Variants in CPM observed in about 807,000 individuals in gnomAD.
CPM encodes renal carboxypeptidase.
CPM carries 35 observed loss-of-function variants against 46.4 expected under a neutral mutation model. The observed-to-expected ratio is 0.75, with a 90% confidence interval of 0.58 to 1.00. CPM has a LOEUF of 1.00. Among genes scored for constraint, CPM ranks in the 50% least tolerant of loss-of-function variants. The pLI is 0.00. For missense variants in CPM, 422 were observed against 530.4 expected (o/e 0.80, Z 2.01); for synonymous variants, 195 against 195.3 (o/e 1.00, Z 0.01).
chr12:68,933,435 G>A (rs1888602398), upstream of CPM, among the ~76,000 whole-genome samples: 2 of 152,192 alleles, frequency 1.3e-5, no homozygotes, highest in African/African-American at 4.8e-5. Context: ...CTTTGCTGGA[G>A]CCCCAGGTCA....
intron 2 of CPM, among the ~76,000 whole-genome samples, chr12:68,909,338 C>G (rs900019032): frequency 6.6e-6 from 1 of 152,146 alleles, no homozygotes; most frequent in Non-Finnish European, 1.5e-5. Context: ...TAGGTGTGTA[C>G]CACCATGCTC....
At chr12:68,876,507 A>G in intron 3 of CPM, among the ~76,000 whole-genome samples, 1 of 152,320 alleles carries the variant, frequency 6.6e-6, no homozygotes, top group Non-Finnish European at 1.5e-5. Context: ...GGAGAGTCCA[A>G]ATTTTAAAAA....
At chr12:68,842,868 C>G in intron 5 of CPM, 1 of 205,322 alleles carries the variant, frequency 4.9e-6, no homozygotes, top group Non-Finnish European at 1.0e-5. Context: ...TATAATGAAG[C>G]CTAGTTATGC....
chr12:68,912,885 A>G (rs922805678), intron 2 of CPM, among the ~76,000 whole-genome samples: 1 of 152,200 alleles, frequency 6.6e-6, no homozygotes, highest in African/African-American at 2.4e-5. Flanking sequence ...GTTTTCCTCC[A>G]TTAATACACT....
At chr12:68,892,672 T>C (rs1473605434) in intron 2 of CPM, among the ~76,000 whole-genome samples, 4 of 152,002 alleles carry the variant, frequency 2.6e-5, no homozygotes, top group Non-Finnish European at 4.4e-5. Flanking sequence ...CCAGCCTGCC[T>C]AACATCGCGA....
At chr12:68,900,718 C>T (rs536298947) in intron 2 of CPM, among the ~76,000 whole-genome samples, 42 of 152,030 alleles carry the variant, frequency 2.8e-4, no homozygotes, top group African/African-American at 9.6e-4. Flanking sequence ...TCTATCAAGC[C>T]ATGAAGATAC....
In CPM at chr12:68,851,344, G is replaced by C. The variant is rs1182234899; in HGVS notation, c.*5093C>G. The C allele has an allele frequency of 6.6e-6, 1 of 152,526 alleles. No homozygotes were observed. Among genetic ancestry groups the C allele is most frequent in the Non-Finnish European group, 1.5e-5 (1 of 68,052 alleles). 9.4% of individuals were successfully genotyped at this position (152,526 alleles called of 1,614,324 possible). A position where few individuals can be genotyped will look rare whatever the true frequency, so the allele number is the denominator to read the frequency against. On this transcript the variant is annotated 3_prime_UTR_variant, in exon 9 of 9. Transcript: ENST00000551568. ...AAAGTGGCTGGGCGCGGGGGCTCAC[G>C]CCTGTAATCCCAGCACTTTGGGAGG...
rs1167130926 is a variant in CPM at position 68,856,255 on chromosome 12, T to A, written c.*182A>T. On this transcript the variant is annotated 3_prime_UTR_variant, in exon 9 of 9. Transcript: ENST00000551568. ...TCCATTCACCGTCAAGACTGAATCA[T>A]TCTTTTCATTATCACCACATATTGC... 9.0e-6 allele frequency: 6 copies of A among 668,352 alleles called. No homozygotes were observed. Among genetic ancestry groups the A allele is most frequent in the Non-Finnish European group, 1.5e-5 (6 of 400,798 alleles). 41.4% of individuals were successfully genotyped at this position (668,352 alleles called of 1,614,324 possible).
chr12:68,845,055 G>T, intron 5 of CPM: 1 of 209,672 alleles, frequency 4.8e-6, no homozygotes, highest in Non-Finnish European at 9.7e-6. Flanking sequence ...GGCGTGAGCC[G>T]CCACGCCCAG....
rs779889310 is a variant in CPM, at chr12:68,896,528, A to G, written c.161-10639T>C. Among the ~76,000 whole-genome samples the G allele has an allele frequency of 4.6e-5, 7 of 152,158 alleles. 1 individual carries two copies. Among genetic ancestry groups the G allele is most frequent in the Non-Finnish European group, 7.4e-5 (5 of 68,024 alleles). ...AGGAAGCTCACTTGGAGTCCGAGTC[A>G]CCTTTGGTCCGGGGATTAGATGAAA... On this transcript the variant is annotated intron_variant, in intron 2 of 8. Transcript: ENST00000551568.
intron 1 of CPM, among the ~76,000 whole-genome samples, chr12:68,958,466 A>G (rs762813756): frequency 8.6e-5 from 13 of 151,426 alleles, no homozygotes; most frequent in Non-Finnish European, 1.6e-4. Context: ...AAATGAAACC[A>G]CCTTACACTG....
At position 68,947,816 on chromosome 12, in the gene CPM, A is replaced by T. The variant is rs553304356; in HGVS notation, c.-3-14976T>A. ...TGTGCCACCATGGCCAGCTTTTTTAAAATTTTTTTTTATTTTAGTAGAGAC... is the reference window on the plus strand; with the variant it reads ...TGTGCCACCATGGCCAGCTTTTTTATAATTTTTTTTTATTTTAGTAGAGAC... On this transcript the variant is annotated intron_variant, in intron 1 of 8. Transcript: ENST00000546373. Among the ~76,000 whole-genome samples the T allele has an allele frequency of 1.4e-3, 206 of 151,764 alleles. 2 individuals carry two copies. The highest frequency in any genetic ancestry group is 4.2e-3 in the African/African-American group (172 of 41,412).
intron 3 of CPM, among the ~76,000 whole-genome samples, chr12:68,872,732 T>C (rs61926279): frequency 0.045 from 6,585 of 147,574 alleles, 177 homozygotes; most frequent in Middle Eastern, 0.096. Flanking sequence ...AATCATCACA[T>C]TGTAGATTTT....
At chr12:68,917,617 C>A (rs1307515246) in intron 2 of CPM, among the ~76,000 whole-genome samples, 3 of 152,184 alleles carry the variant, frequency 2.0e-5, no homozygotes, top group Non-Finnish European at 4.4e-5. Flanking sequence ...GACCCTGACC[C>A]AAATCCTGAG....
chr12:68,957,464 A>C (rs1302847292), intron 1 of CPM: 1 of 270,072 alleles, frequency 3.7e-6, no homozygotes, highest in Non-Finnish European at 7.4e-6. Context: ...TGCTGGCAAA[A>C]GTTTCCAAAA....
intron 2 of CPM, among the ~76,000 whole-genome samples, chr12:68,930,062 C>T (rs1015680656): frequency 6.6e-6 from 1 of 152,014 alleles, no homozygotes; most frequent in Non-Finnish European, 1.5e-5. Context: ...ATAAATAACA[C>T]GTGTATAATA....
intron 1 of CPM, among the ~76,000 whole-genome samples, chr12:68,961,946 A>T (rs1889122182): frequency 6.6e-6 from 1 of 152,056 alleles, no homozygotes; most frequent in Admixed American, 6.6e-5. Flanking sequence ...CATGTCTGTA[A>T]TCCCAGCACT....
intron 7 of CPM, among the ~76,000 whole-genome samples, chr12:68,866,324 A>ATGTT (rs145703211): frequency 0.018 from 2,678 of 151,790 alleles, 69 homozygotes; most frequent in African/African-American, 0.061. Context: ...GGGACTCTGG[A>ATGTT]TGTTTGTTTG....
chr12:68,893,877 A>G (rs184813877), intron 2 of CPM, among the ~76,000 whole-genome samples: 61 of 152,294 alleles, frequency 4.0e-4, no homozygotes, highest in Middle Eastern at 6.8e-3. Flanking sequence ...TCTGGGAACC[A>G]TGTCCCCTGC....
Sources: allele counts gnomAD v4.1 joint callset (sites outside exome capture counted in the v4.1 genomes callset), GRCh38; gene constraint gnomAD v4.1.1; transcripts MANE v1.5; gene names NCBI Gene and HGNC (gene_info 2026-07-23, HGNC 2026-07-21).